The following ZNF695 variants were observed in gnomAD, a reference collection of about 807,000 sequenced individuals.
The protein encoded by ZNF695 is zinc finger protein SBZF3.
Under a neutral mutation model 11.2 loss-of-function variants are expected in ZNF695, and 11 were observed. The observed-to-expected ratio is 0.98, with a 90% CI of 0.62 to 1.62. The LOEUF is 1.62. Among genes scored for constraint, ZNF695 ranks in the 40% most tolerant of loss-of-function variants. The pLI is 0.00. For missense variants in ZNF695, 559 were observed against 590.5 expected (o/e 0.95, Z 0.55); for synonymous variants, 190 against 201.4 (o/e 0.94, Z 0.48).
intron 5 of ZNF695, among the ~76,000 whole-genome samples, chr1:246,958,352 C>G (rs1036106860): frequency 6.6e-6 from 1 of 152,074 alleles, no homozygotes; most frequent in Non-Finnish European, 1.5e-5. Context: ...GCCACTGCAC[C>G]CAGCCGGGAC....
At chr1:246,997,246 T>A (rs1669239801) in intron 3 of ZNF695, among the ~76,000 whole-genome samples, 1 of 152,076 alleles carries the variant, frequency 6.6e-6, no homozygotes, top group African/African-American at 2.4e-5. Flanking sequence ...CTCACGCCTA[T>A]AATCCCAGCA....
At chr1:246,990,237 G>A (rs778793801) in intron 3 of ZNF695, among the ~76,000 whole-genome samples, 5 of 151,782 alleles carry the variant, frequency 3.3e-5, no homozygotes, top group South Asian at 2.1e-4. Flanking sequence ...CTATAAAAAC[G>A]CACATAGTCT....
At chr1:246,989,026 G>A (rs538358324) in intron 3 of ZNF695, among the ~76,000 whole-genome samples, 76 of 151,966 alleles carry the variant, frequency 5.0e-4, no homozygotes, top group African/African-American at 1.5e-3. Flanking sequence ...CCCGGGAGGC[G>A]GAGCTTGTAG....
At chr1:246,945,816 G>A (rs947604829) in exon 6 of ZNF695, 6 of 1,549,996 alleles carry the variant, frequency 3.9e-6, no homozygotes, top group East Asian at 2.4e-5. Context: ...CTCGATGGTC[G>A]ACGACTGGAC....
At chr1:246,975,012 G>A (rs528172697) in intron 4 of ZNF695, among the ~76,000 whole-genome samples, 48 of 152,190 alleles carry the variant, frequency 3.2e-4, no homozygotes, top group African/African-American at 1.1e-3. Context: ...TCCCTTCCGA[G>A]CCTCATGGAG....
At chr1:246,950,521 C>T (rs900745932) in intron 5 of ZNF695, among the ~76,000 whole-genome samples, 5 of 151,786 alleles carry the variant, frequency 3.3e-5, no homozygotes, top group African/African-American at 7.3e-5. Context: ...CGTGGTGGCA[C>T]GCTCCTGTAT....
chr1:246,962,691 CCTTT>C (rs1668190924), intron 5 of ZNF695, among the ~76,000 whole-genome samples: 2 of 151,640 alleles, frequency 1.3e-5, no homozygotes, highest in African/African-American at 2.4e-5. Flanking sequence ...CAGCTTGAAA[CCTTT>C]CTTTTTTTTT....
chr1:246,985,451 A>G lies in ZNF695; in HGVS notation c.*1516T>C. ...TTCAAATTATTTGAAGTTTAATGCC[A>G]CTGGGAGAAGGGATCATTAGAGATA... On this transcript the variant is annotated 3_prime_UTR_variant, in exon 4 of 4. Transcript: ENST00000339986. 2.0e-6 allele frequency: 2 copies of G among 985,396 alleles called. No homozygotes were observed. The highest frequency in any genetic ancestry group is 9.4e-5 in the South Asian group (2 of 21,286). The allele number at this position is 985,396 out of a possible 1,614,324, so 61.0% of individuals were successfully genotyped here.
rs1668591501 is a variant in ZNF695, at chr1:246,977,267, T to A, written c.391-9475A>T. Among the ~76,000 whole-genome samples, 4 of 152,242 alleles carry A rather than the reference T, an allele frequency of 2.6e-5. No individual in the cohort carries two copies. The South Asian group carries it at 8.3e-4, about 32-fold the overall frequency. ...CTTTATGAAAGGATACATTTTTTGT[T>A]GTTGTTTTTGAGACAGAGTCGGTCT... On this transcript the variant is annotated intron_variant, in intron 4 of 5. Coordinates refer to the ZNF695 transcript ENST00000487338.
At chr1:246,962,878 G>C (rs529101619) in intron 5 of ZNF695, among the ~76,000 whole-genome samples, 132 of 152,028 alleles carry the variant, frequency 8.7e-4, no homozygotes, top group Admixed American at 1.7e-3. Flanking sequence ...TGTATTTTTA[G>C]TAGATAACCG....
intron 5 of ZNF695, among the ~76,000 whole-genome samples, chr1:246,963,623 G>A (rs957033165): frequency 2.0e-5 from 3 of 152,182 alleles, no homozygotes; most frequent in Admixed American, 1.3e-4. Flanking sequence ...AGGTGCGGGG[G>A]TTATTGCGAT....
intron 1 of ZNF695, among the ~76,000 whole-genome samples, chr1:247,003,128 G>A (rs1448623415): frequency 6.6e-6 from 1 of 152,148 alleles, no homozygotes; most frequent in Non-Finnish European, 1.5e-5. Flanking sequence ...ACCCAAAGGA[G>A]TATATATCAT....
chr1:246,997,835 T>C (rs369246025), intron 3 of ZNF695, among the ~76,000 whole-genome samples: 17 of 152,236 alleles, frequency 1.1e-4, no homozygotes, highest in Non-Finnish European at 2.1e-4. Flanking sequence ...CTCACTCATA[T>C]GAGCAATCTT....
chr1:247,000,902 C>T (rs1219860955), intron 1 of ZNF695, among the ~76,000 whole-genome samples: 1 of 152,118 alleles, frequency 6.6e-6, no homozygotes, highest in African/African-American at 2.4e-5. Flanking sequence ...CAAATCCACA[C>T]ATATCAAGGC....
At chr1:246,998,919 G>A (rs1158667964) in intron 3 of ZNF695, among the ~76,000 whole-genome samples, 1 of 151,856 alleles carries the variant, frequency 6.6e-6, no homozygotes, top group African/African-American at 2.4e-5. Flanking sequence ...AGTGAGCCGA[G>A]ATTGTGCCAC....
At chr1:246,960,616 C>G (rs1485614901) in intron 5 of ZNF695, among the ~76,000 whole-genome samples, 2 of 152,148 alleles carry the variant, frequency 1.3e-5, no homozygotes, top group Non-Finnish European at 2.9e-5. Flanking sequence ...GATCATTTCT[C>G]CATAGTTCAA....
intron 5 of ZNF695, among the ~76,000 whole-genome samples, chr1:246,961,914 G>A (rs1668172519): frequency 1.3e-5 from 2 of 152,164 alleles, no homozygotes; most frequent in African/African-American, 2.4e-5. Flanking sequence ...TCTCAAGAAC[G>A]CAGAGGCATA....
At chr1:246,985,099 C>T (rs573667920), downstream of ZNF695, among the ~76,000 whole-genome samples, 30 of 152,256 alleles carry the variant, frequency 2.0e-4, no homozygotes, top group Middle Eastern at 3.4e-3. Flanking sequence ...ACATTTTTCT[C>T]TTATTCTGAA....
chr1:246,957,391 A>AC (rs2103002163), intron 5 of ZNF695, among the ~76,000 whole-genome samples: 1 of 152,052 alleles, frequency 6.6e-6, no homozygotes, highest in East Asian at 1.9e-4. Flanking sequence ...TAAAAAAAAA[A>AC]AAAAAGAATT....
Sources: allele counts gnomAD v4.1 joint callset (sites outside exome capture counted in the v4.1 genomes callset), GRCh38; gene constraint gnomAD v4.1.1; transcripts MANE v1.5; gene names NCBI Gene and HGNC (gene_info 2026-07-23, HGNC 2026-07-21).